The following PRKCI variants were observed in gnomAD, a reference collection of about 807,000 sequenced individuals.
The protein encoded by PRKCI is protein kinase C iota type.
PRKCI carries 43 observed loss-of-function variants against 84.0 expected under a neutral mutation model. The observed-to-expected ratio is 0.51, with a 90% confidence interval of 0.40 to 0.66. The LOEUF is 0.66. Ranked by LOEUF, PRKCI falls within the 30% of genes least tolerant of loss-of-function variation. The probability of loss-of-function intolerance (pLI) is 0.00; values close to 1 mark genes in which losing one functional copy is unlikely to be tolerated. For missense variants in PRKCI, 459 were observed against 745.6 expected, an observed-to-expected ratio of 0.62 and a Z score of 4.48; for synonymous variants, 216 against 234.4, an observed-to-expected ratio of 0.92 and a Z score of 0.72.
intron 1 of PRKCI, among the ~76,000 whole-genome samples, chr3:170,224,286 A>G (rs1004141772): frequency 3.3e-5 from 5 of 152,188 alleles, no homozygotes; most frequent in South Asian, 2.1e-4. Flanking sequence ...ATTGGACAGT[A>G]TGATAACTTT....
At chr3:170,269,430 G>A (rs1429670002) in intron 5 of PRKCI, among the ~76,000 whole-genome samples, 2 of 152,200 alleles carry the variant, frequency 1.3e-5, no homozygotes, top group African/African-American at 2.4e-5. Flanking sequence ...GGGAGGCTGC[G>A]AAGGGGGAAC....
intron 8 of PRKCI, among the ~76,000 whole-genome samples, chr3:170,276,346 A>G (rs994514568): frequency 6.6e-6 from 1 of 151,848 alleles, no homozygotes; most frequent in Non-Finnish European, 1.5e-5. Context: ...TTGTCTACTC[A>G]CTTCCCTCAC....
intron 13 of PRKCI, among the ~76,000 whole-genome samples, chr3:170,292,971 G>A (rs1432454804): frequency 6.6e-6 from 1 of 150,804 alleles, no homozygotes; most frequent in East Asian, 2.0e-4. Flanking sequence ...AACCCGGGAG[G>A]TGGAGCTTGC....
At position 170,303,630 on chromosome 3, in the gene PRKCI, GATAA is replaced by G. The variant is rs1340286984; in HGVS notation, c.*510_*513del. ...TTCAGGTGTAAATTTTATTGCCTTGGATAAATAAATTATTGATCTTTTTTAAGGC... is the reference window on the plus strand; with the variant it reads ...TTCAGGTGTAAATTTTATTGCCTTGGATAAATTATTGATCTTTTTTAAGGC... On this transcript the variant is annotated 3_prime_UTR_variant, in exon 18 of 18. Coordinates refer to ENST00000295797, the MANE Select transcript of PRKCI (RefSeq NM_002740.6). 8.9e-6 allele frequency: 2 copies of G among 225,118 alleles called. No homozygotes were observed. The highest frequency in any genetic ancestry group is 6.5e-5 in the East Asian group (1 of 15,450). 13.9% of individuals were successfully genotyped at this position (225,118 alleles called of 1,614,324 possible).
At chr3:170,302,557 CTG>C (rs1244349286) in intron 17 of PRKCI, among the ~76,000 whole-genome samples, 4 of 152,322 alleles carry the variant, frequency 2.6e-5, no homozygotes, top group Admixed American at 1.3e-4. Flanking sequence ...TCTCCCCTCT[CTG>C]TGACCCATGA....
chr3:170,257,277 A>C (rs1453716164), intron 2 of PRKCI, among the ~76,000 whole-genome samples: 2 of 152,168 alleles, frequency 1.3e-5, no homozygotes, highest in Non-Finnish European at 1.5e-5. Flanking sequence ...ATAGTGGGCA[A>C]CTTTGTCAGG....
At chr3:170,275,651 C>T (rs1454156392) in intron 8 of PRKCI, among the ~76,000 whole-genome samples, 2 of 151,994 alleles carry the variant, frequency 1.3e-5, no homozygotes, top group Admixed American at 1.3e-4. Flanking sequence ...TATTAACTGT[C>T]ATTGTTTTTT....
At chr3:170,237,116 G>C (rs1039794959) in intron 2 of PRKCI, among the ~76,000 whole-genome samples, 1 of 152,132 alleles carries the variant, frequency 6.6e-6, no homozygotes, top group Non-Finnish European at 1.5e-5. Context: ...GAGGTGAGGA[G>C]AAAACCATAT....
At chr3:170,271,968 G>A (rs1457776895) in intron 6 of PRKCI, among the ~76,000 whole-genome samples, 1 of 152,104 alleles carries the variant, frequency 6.6e-6, no homozygotes, top group Non-Finnish European at 1.5e-5. Context: ...CAAGTAGCTG[G>A]GATTACAGGT....
At chr3:170,252,824 T>C (rs1251944850) in intron 2 of PRKCI, among the ~76,000 whole-genome samples, 1 of 152,140 alleles carries the variant, frequency 6.6e-6, no homozygotes, top group Non-Finnish European at 1.5e-5. Flanking sequence ...AACCAAATAC[T>C]AGATCTTACT....
chr3:170,226,923 A>T (rs1732640811), intron 1 of PRKCI, among the ~76,000 whole-genome samples: 1 of 152,202 alleles, frequency 6.6e-6, no homozygotes, highest in East Asian at 1.9e-4. Flanking sequence ...CAAACCAAAC[A>T]CAAAAAACCC....
intron 1 of PRKCI, among the ~76,000 whole-genome samples, chr3:170,234,744 T>G (rs570923259): frequency 6.6e-6 from 1 of 152,324 alleles, no homozygotes; most frequent in African/African-American, 2.4e-5. Flanking sequence ...TTTTAAAAAC[T>G]ATTTAAAACA....
At chr3:170,288,810 C>T (rs928396512) in intron 12 of PRKCI, among the ~76,000 whole-genome samples, 7 of 152,088 alleles carry the variant, frequency 4.6e-5, no homozygotes, top group African/African-American at 1.7e-4. Context: ...GAAATTAACC[C>T]TCCAAAAGTT....
intron 2 of PRKCI, among the ~76,000 whole-genome samples, chr3:170,254,757 G>C (rs1733540641): frequency 1.3e-5 from 2 of 152,140 alleles, no homozygotes; most frequent in Admixed American, 1.3e-4. Context: ...CATAGAATGT[G>C]ATCCCTCCAG....
intron 2 of PRKCI, among the ~76,000 whole-genome samples, chr3:170,249,497 A>G (rs1235583394): frequency 6.6e-6 from 1 of 152,166 alleles, no homozygotes; most frequent in Non-Finnish European, 1.5e-5. Flanking sequence ...AACATTAGAA[A>G]TGAAGTGTTA....
At chr3:170,295,658 A>G (rs933692827) in intron 14 of PRKCI, among the ~76,000 whole-genome samples, 1 of 151,334 alleles carries the variant, frequency 6.6e-6, no homozygotes, top group Admixed American at 6.6e-5. Flanking sequence ...CCTGGATGAC[A>G]AAACAAGACT....
intron 3 of PRKCI, among the ~76,000 whole-genome samples, chr3:170,262,144 A>G (rs530854379): frequency 4.6e-5 from 7 of 152,208 alleles, no homozygotes; most frequent in Admixed American, 1.3e-4. Context: ...TTGTTGCTTT[A>G]TATTCTACCT....
At chr3:170,230,024 T>C (rs531356394) in intron 1 of PRKCI, among the ~76,000 whole-genome samples, 1 of 152,310 alleles carries the variant, frequency 6.6e-6, no homozygotes, top group South Asian at 2.1e-4. Context: ...ATTTCCCCAA[T>C]CTGTTGCTAG....
chr3:170,295,225 AAAG>A (rs1423019183), intron 14 of PRKCI, among the ~76,000 whole-genome samples: 1 of 151,746 alleles, frequency 6.6e-6, no homozygotes, highest in Non-Finnish European at 1.5e-5. Flanking sequence ...AAAAAAGAAA[AAAG>A]AAATTTAAAG....
Sources: allele counts gnomAD v4.1 joint callset (sites outside exome capture counted in the v4.1 genomes callset), GRCh38; gene constraint gnomAD v4.1.1; transcripts MANE v1.5; gene names NCBI Gene and HGNC (gene_info 2026-07-23, HGNC 2026-07-21).